The following POC1A variants were observed in gnomAD, a reference collection of about 807,000 sequenced individuals.
The protein encoded by POC1A is POC1 centriolar protein A, also known as POC1 centriolar protein homolog A.
A neutral mutation model predicts 47.8 loss-of-function variants in POC1A; 34 were observed. That is an observed-to-expected ratio of 0.71 (90% CI 0.54 to 0.95). The LOEUF (loss-of-function observed/expected upper bound fraction) is 0.95, where lower values mean the gene tolerates loss of function less well. Among genes scored for constraint, POC1A ranks in the 40% least tolerant of loss-of-function variants. The pLI is 0.00. For missense variants in POC1A, 466 were observed against 528.3 expected (o/e 0.88, Z 1.16); for synonymous variants, 177 against 207.6 (o/e 0.85, Z 1.27).
intron 1 of POC1A, among the ~76,000 whole-genome samples, chr3:52,152,136 G>A (rs991226851): frequency 5.3e-5 from 8 of 152,190 alleles, no homozygotes; most frequent in Admixed American, 1.3e-4. Context: ...TTAGCCACAC[G>A]TAGTGGCTCA....
At chr3:52,141,283 A>C (rs562627282) in intron 6 of POC1A, among the ~76,000 whole-genome samples, 1 of 152,202 alleles carries the variant, frequency 6.6e-6, no homozygotes, top group African/African-American at 2.4e-5. Context: ...CCCACTACCT[A>C]ACGGGCTGCA....
At position 52,084,951 on chromosome 3, in the gene POC1A, G is replaced by C. The variant is rs1702411038; in HGVS notation, c.1126-8966C>G. On this transcript the variant is annotated intron_variant, in intron 10 of 10. Transcript: ENST00000296484. This position sits in a 1 kb window ranked among gnomAD's most constrained non-coding sequence, Gnocchi z 4.3. Reference sequence around the variant, plus strand: ...CCTGGGCTGGGGACACAGTGGCAAGGGGAGCTGCAACTGTCCTGGGTTGGC... The same window carrying C: ...CCTGGGCTGGGGACACAGTGGCAAGCGGAGCTGCAACTGTCCTGGGTTGGC... Among the ~76,000 whole-genome samples, 1 of 152,234 alleles carries C rather than the reference G, an allele frequency of 6.6e-6. No individual in the cohort carries two copies. Among genetic ancestry groups the C allele is most frequent in the Non-Finnish European group, 1.5e-5 (1 of 68,028 alleles).
intron 7 of POC1A, among the ~76,000 whole-genome samples, chr3:52,136,298 T>C (rs1206952813): frequency 1.3e-5 from 2 of 152,138 alleles, no homozygotes; most frequent in Non-Finnish European, 2.9e-5. Context: ...ATCTGAGCTG[T>C]ACCCTGGGAG....
In POC1A at chr3:52,090,809, G is replaced by A. The variant is rs962252942; in HGVS notation, c.1125+5760C>T. Among the ~76,000 whole-genome samples, 2 of 151,794 alleles carry A rather than the reference G, an allele frequency of 1.3e-5. No individual in the cohort carries two copies. Among genetic ancestry groups the A allele is most frequent in the Non-Finnish European group, 2.9e-5 (2 of 67,906 alleles). ...CTGGGCAGGCAGGCCTAGCAGCCTC[G>A]GGGTCCGGCCTAGAGTCCTCCAGGG... On this transcript the variant is annotated intron_variant, in intron 10 of 10. Transcript: ENST00000296484. This position sits in a 1 kb window ranked among gnomAD's most constrained non-coding sequence, Gnocchi z 4.2.
chr3:52,097,404 G>T (rs1360369160), intron 9 of POC1A, among the ~76,000 whole-genome samples: 1 of 152,238 alleles, frequency 6.6e-6, no homozygotes, highest in Non-Finnish European at 1.5e-5. Flanking sequence ...AGGAGGTGAG[G>T]GGCTTAGTGT....
At chr3:52,114,296 T>C (rs1307739313) in intron 9 of POC1A, among the ~76,000 whole-genome samples, 1 of 152,238 alleles carries the variant, frequency 6.6e-6, no homozygotes, top group African/African-American at 2.4e-5. Flanking sequence ...TCCCCCATGC[T>C]GTGCCCAGCC....
At position 52,149,396 on chromosome 3, in the gene POC1A, G is replaced by A; in HGVS notation, c.276-7C>T. On this transcript the variant is annotated splice_polypyrimidine_tract_variant and splice_region_variant and intron_variant, in intron 3 of 10. Transcript: ENST00000296484. The stretch of plus-strand genomic sequence containing the variant: ...CACAGTGGACTCACCTTTGCTACAA[G>A]GACAGGCATCCAAGAGTAAGGAAAC... 6.2e-7 allele frequency: 1 copy of A among 1,613,000 alleles called. No individual in the cohort carries two copies. The highest frequency in any genetic ancestry group is 8.5e-7 in the Non-Finnish European group (1 of 1,179,106).
chr3:52,141,234 C>T (rs1241316978), intron 6 of POC1A, among the ~76,000 whole-genome samples: 3 of 152,212 alleles, frequency 2.0e-5, no homozygotes, highest in African/African-American at 7.2e-5. Context: ...TACACCCACT[C>T]CATGCTGCTC....
chr3:52,143,495 G>C (rs926818377), intron 6 of POC1A, among the ~76,000 whole-genome samples: 1 of 152,072 alleles, frequency 6.6e-6, no homozygotes, highest in African/African-American at 2.4e-5. Context: ...GCTTGGAGAC[G>C]GGGTTCATAC....
At chr3:52,143,795 G>A (rs1698276763) in intron 6 of POC1A, among the ~76,000 whole-genome samples, 1 of 152,282 alleles carries the variant, frequency 6.6e-6, no homozygotes, top group South Asian at 2.1e-4. Context: ...TATCCTCTCA[G>A]ATGTCCTTCT....
chr3:52,106,388 T>C (rs538507367), intron 9 of POC1A, among the ~76,000 whole-genome samples: 4 of 152,134 alleles, frequency 2.6e-5, no homozygotes, highest in Non-Finnish European at 5.9e-5. Flanking sequence ...CCAGGTGTGA[T>C]GGCATGCGCC....
chr3:52,138,586 C>G (rs1698067332), intron 6 of POC1A, among the ~76,000 whole-genome samples: 1 of 152,210 alleles, frequency 6.6e-6, no homozygotes, highest in Admixed American at 6.5e-5. Context: ...TTCCTCCATC[C>G]TCTCCCACAG....
chr3:52,083,966 G>C (rs1702380409), intron 10 of POC1A, among the ~76,000 whole-genome samples: 1 of 152,202 alleles, frequency 6.6e-6, no homozygotes, highest in South Asian at 2.1e-4. Flanking sequence ...AGAGATATGA[G>C]CCCTAGGGCC....
Position 52,079,901 on chromosome 3 carries a change from T to C in POC1A, c.1126-3916A>G, listed in dbSNP as rs1702229295. On this transcript the variant is annotated intron_variant, in intron 10 of 10. Coordinates refer to ENST00000296484, the MANE Select transcript of POC1A (RefSeq NM_015426.5). The surrounding 1 kb of genome is among the most constrained non-coding windows in gnomAD (Gnocchi z 4.6). ...GCAGCTCATTCCCTTTCCTTGGACC[T>C]GGTGCTACCCTGGGAACATTCTTAA... 6.6e-6 allele frequency among the ~76,000 whole-genome samples: 1 copy of C among 152,186 alleles called. No homozygotes were observed. The highest frequency in any genetic ancestry group is 1.5e-5 in the Non-Finnish European group (1 of 68,022).
chr3:52,142,272 T>C (rs1698223727), intron 6 of POC1A, among the ~76,000 whole-genome samples: 2 of 152,224 alleles, frequency 1.3e-5, no homozygotes, highest in African/African-American at 4.8e-5. Flanking sequence ...AGTCTTAACG[T>C]GGGCTCAGAG....
At chr3:52,150,519 T>C (rs1437640104) in intron 2 of POC1A, among the ~76,000 whole-genome samples, 1 of 152,032 alleles carries the variant, frequency 6.6e-6, no homozygotes, top group Non-Finnish European at 1.5e-5. Context: ...TCATAAAAGC[T>C]GTGTACGAAA....
intron 9 of POC1A, among the ~76,000 whole-genome samples, chr3:52,114,161 C>A (rs911738553): frequency 3.3e-5 from 5 of 152,222 alleles, no homozygotes; most frequent in African/African-American, 9.6e-5. Flanking sequence ...GTTCCCAGAG[C>A]CAGAAGTTTC....
At chr3:52,105,169 G>A (rs1007089393) in intron 9 of POC1A, among the ~76,000 whole-genome samples, 6 of 152,168 alleles carry the variant, frequency 3.9e-5, no homozygotes, top group African/African-American at 1.4e-4. Context: ...CACCCTTCCT[G>A]TACAGACCCA....
At chr3:52,101,453 C>T (rs1384197561) in intron 9 of POC1A, among the ~76,000 whole-genome samples, 2 of 152,078 alleles carry the variant, frequency 1.3e-5, no homozygotes, top group Non-Finnish European at 2.9e-5. Flanking sequence ...CTCAGATGAC[C>T]TAGATGTTGA....
Sources: allele counts gnomAD v4.1 joint callset (sites outside exome capture counted in the v4.1 genomes callset), GRCh38; gene constraint gnomAD v4.1.1; non-coding constraint Gnocchi (gnomAD v3.1); transcripts MANE v1.5; gene names NCBI Gene and HGNC (gene_info 2026-07-23, HGNC 2026-07-21).